Variants in TMEM100 observed in about 807,000 individuals in gnomAD.
TMEM100 encodes the protein transmembrane protein 100.
For missense variants in TMEM100, 137 were observed against 168.2 expected, an observed-to-expected ratio of 0.81 and a Z score of 1.02; for synonymous variants, 61 against 67.1, an observed-to-expected ratio of 0.91 and a Z score of 0.44.
upstream of TMEM100, among the ~76,000 whole-genome samples, chr17:55,723,771 C>T (rs551348208): frequency 1.3e-5 from 2 of 152,274 alleles, no homozygotes; most frequent in Admixed American, 1.3e-4. Context: ...TATGTTGAGA[C>T]CTCTGTTCCT....
intron 1 of TMEM100, among the ~76,000 whole-genome samples, chr17:55,730,707 G>C (rs1909182805): frequency 6.6e-6 from 1 of 152,138 alleles, no homozygotes; most frequent in South Asian, 2.1e-4. Flanking sequence ...AAAAGTCTTT[G>C]ATATTCACGA....
chr17:55,727,644 G>A (rs572434979), upstream of TMEM100, among the ~76,000 whole-genome samples: 48 of 152,192 alleles, frequency 3.2e-4, no homozygotes, highest in African/African-American at 9.9e-4. Context: ...ACTCCTAATC[G>A]CTGTACAATT....
rs192318466 is a variant in TMEM100, at chr17:55,729,258, T to C, written c.-358-1276A>G. ...GGTAAGAGGCAATGGGCACCTGATA[T>C]TGGCAAACGCGGACAGGTAGGAAAT... On this transcript the variant is annotated intron_variant, in intron 1 of 3. Coordinates refer to the TMEM100 transcript ENST00000575734. Among the ~76,000 whole-genome samples the C allele has an allele frequency of 1.8e-3, 279 of 152,298 alleles. 3 individuals carry two copies. The highest frequency in any genetic ancestry group is 7.1e-4 in the Non-Finnish European group (48 of 68,020).
intron 1 of TMEM100, among the ~76,000 whole-genome samples, chr17:55,731,104 T>C (rs1055269330): frequency 1.3e-5 from 2 of 152,200 alleles, no homozygotes; most frequent in African/African-American, 4.8e-5. Context: ...AATCTGCTGT[T>C]GATAACTTTG....
chr17:55,729,531 G>A (rs1032220505), intron 1 of TMEM100, among the ~76,000 whole-genome samples: 3 of 152,308 alleles, frequency 2.0e-5, no homozygotes, highest in African/African-American at 7.2e-5. Flanking sequence ...TAACTAGTAA[G>A]TTATGATGCA....
chr17:55,729,632 A>T (rs1370507834), intron 1 of TMEM100, among the ~76,000 whole-genome samples: 1 of 152,150 alleles, frequency 6.6e-6, no homozygotes, highest in Non-Finnish European at 1.5e-5. Flanking sequence ...TTCATTCCAT[A>T]TGCATATGCA....
upstream of TMEM100, among the ~76,000 whole-genome samples, chr17:55,724,202 C>T (rs1909001667): frequency 6.6e-6 from 1 of 152,206 alleles, no homozygotes. Context: ...CATCTCGCCT[C>T]TCCTCTACCA....
At chr17:55,729,233 G>C (rs1317885637) in intron 1 of TMEM100, among the ~76,000 whole-genome samples, 1 of 152,212 alleles carries the variant, frequency 6.6e-6, no homozygotes, top group African/African-American at 2.4e-5. Context: ...TGATTGTCCA[G>C]GTAAGAGGCA....
chr17:55,729,236 A>G (rs1286848061), intron 1 of TMEM100, among the ~76,000 whole-genome samples: 1 of 152,212 alleles, frequency 6.6e-6, no homozygotes, highest in Non-Finnish European at 1.5e-5. Context: ...TTGTCCAGGT[A>G]AGAGGCAATG....
Position 55,720,556 on chromosome 17 carries a change from G to C in TMEM100, c.*110C>G. On this transcript the variant is annotated 3_prime_UTR_variant, in exon 2 of 2. Coordinates refer to ENST00000424486, the MANE Select transcript of TMEM100 (RefSeq NM_018286.3). ...CCACCCTCCCACCCCCATTCTTCCAGTCTGCTCCAACGCCAAGTCTGTTCT... is the reference window on the plus strand; with the variant it reads ...CCACCCTCCCACCCCCATTCTTCCACTCTGCTCCAACGCCAAGTCTGTTCT... 7 of 816,218 alleles carry C rather than the reference G, an allele frequency of 8.6e-6. No homozygotes were observed. The highest frequency in any genetic ancestry group is 4.6e-5 in the East Asian group (1 of 21,852). The allele number at this position is 816,218 out of a possible 1,614,324, so 50.6% of individuals were successfully genotyped here.
Position 55,720,403 on chromosome 17 carries a change from G to A in TMEM100, c.*263C>T. 1 of 489,096 alleles carries A rather than the reference G, an allele frequency of 2.0e-6. No homozygotes were observed. Among genetic ancestry groups the A allele is most frequent in the Admixed American group, 3.8e-5 (1 of 26,378 alleles). 30.3% of individuals were successfully genotyped at this position (489,096 alleles called of 1,614,324 possible). On this transcript the variant is annotated 3_prime_UTR_variant, in exon 2 of 2. Coordinates refer to ENST00000424486, the MANE Select transcript of TMEM100 (RefSeq NM_018286.3). ...TGAACCAAATACTGTCTAATGCTGT[G>A]CACTCCCATGACCCCCAAAGTGTTT...
intron 1 of TMEM100, chr17:55,721,372 C>T: frequency 3.4e-6 from 1 of 294,452 alleles, no homozygotes. Flanking sequence ...TTTAATATAC[C>T]CTGGCGGTCT....
upstream of TMEM100, among the ~76,000 whole-genome samples, chr17:55,727,539 G>C (rs146204898): frequency 6.6e-6 from 1 of 152,050 alleles, no homozygotes; most frequent in South Asian, 2.1e-4. Flanking sequence ...TTTGGTGCTC[G>C]TTTACAGGAG....
rs1316447617 is a variant in TMEM100, at chr17:55,721,097, T to C, written c.-27A>G. 6.3e-7 allele frequency: 1 copy of C among 1,584,892 alleles called. No homozygotes were observed. Among genetic ancestry groups the C allele is most frequent in the African/African-American group, 1.3e-5 (1 of 74,252 alleles). On this transcript the variant is annotated 5_prime_UTR_variant, in exon 2 of 2. Transcript: ENST00000424486. Reference sequence around the variant, plus strand: ...TTTACAACAGTGCTTCTAAGCTGGGTTTACAGACTAGATCTGGACAGTCTC... The same window carrying C: ...TTTACAACAGTGCTTCTAAGCTGGGCTTACAGACTAGATCTGGACAGTCTC...
At chr17:55,725,252 A>C (rs114581389), upstream of TMEM100, among the ~76,000 whole-genome samples, 545 of 152,198 alleles carry the variant, frequency 3.6e-3, 9 homozygotes, top group African/African-American at 0.012. Context: ...CCTGCCCCCA[A>C]ATGCAAAATT....
Position 55,722,322 on chromosome 17 carries a change from T to C in TMEM100, c.-66+297A>G, listed in dbSNP as rs374666464. On this transcript the variant is annotated intron_variant, in intron 1 of 1. Coordinates refer to ENST00000424486, the MANE Select transcript of TMEM100 (RefSeq NM_018286.3). ...TTCAATGAGATTCATACTTTAAATA[T>C]ATTAAGCATCCACTGAAAACAAATT... is the stretch of plus-strand genomic sequence containing the variant. Among the ~76,000 whole-genome samples the C allele has an allele frequency of 7.9e-5, 12 of 152,352 alleles. No individual in the cohort carries two copies. In the South Asian group the frequency reaches 2.5e-3, roughly 32 times the overall value.
upstream of TMEM100, among the ~76,000 whole-genome samples, chr17:55,727,340 C>G (rs943013119): frequency 6.6e-6 from 1 of 152,232 alleles, no homozygotes; most frequent in Non-Finnish European, 1.5e-5. Flanking sequence ...AATGGGCTGA[C>G]ACTTTCTTTC....
intron 1 of TMEM100, among the ~76,000 whole-genome samples, chr17:55,722,213 C>G (rs922714179): frequency 6.6e-6 from 1 of 152,194 alleles, no homozygotes; most frequent in Non-Finnish European, 1.5e-5. Flanking sequence ...TCACTGTCTT[C>G]CATTCTCAAA....
upstream of TMEM100, among the ~76,000 whole-genome samples, chr17:55,725,701 A>ATGTGTGTGTGTGTG (rs57564459): frequency 3.7e-4 from 52 of 139,676 alleles, no homozygotes; most frequent in East Asian, 4.3e-3. Flanking sequence ...ACCCATATAT[A>ATGTGTGTGTGTGTG]TGTGTGTGTG....
Sources: gnomAD v4.1 joint callset for allele counts (sites outside exome capture counted in the v4.1 genomes callset) on GRCh38, gnomAD v4.1.1 for gene constraint, MANE v1.5 for transcripts, NCBI Gene and HGNC (gene_info 2026-07-23, HGNC 2026-07-21) for gene names.